The following SEMA4C variants were observed in gnomAD, a reference collection of about 807,000 sequenced individuals.
SEMA4C encodes the protein semaphorin-4C.
A neutral mutation model predicts 89.0 loss-of-function variants in SEMA4C; 19 were observed. The ratio of observed to expected loss-of-function variants is 0.21; its 90% confidence interval spans 0.15 to 0.31. SEMA4C has a LOEUF of 0.31. Ranked by LOEUF, SEMA4C falls within the 10% of genes least tolerant of loss-of-function variation. SEMA4C has a pLI of 1.00. For synonymous variants in SEMA4C, 428 were observed against 472.7 expected (o/e 0.91, Z 1.23); for missense variants, 811 against 1,107.0 (o/e 0.73, Z 3.79).
At chr2:96,869,021 C>A (rs1211440642) in intron 1 of SEMA4C, 42 of 985,164 alleles carry the variant, frequency 4.3e-5, no homozygotes, top group Non-Finnish European at 5.1e-5. Context: ...GTTCTCCCCT[C>A]CCCCAGCTCC....
At chr2:96,868,723 G>A (rs2080139011) in intron 1 of SEMA4C, 5 of 985,252 alleles carry the variant, frequency 5.1e-6, no homozygotes, top group Non-Finnish European at 6.0e-6. Flanking sequence ...CGGGGACTCC[G>A]GCGGCGCGCG....
In SEMA4C at chr2:96,860,282, G is replaced by A. The variant is rs1184498910; in HGVS notation, c.*344C>T. The A allele has an allele frequency of 1.9e-5, 5 of 261,912 alleles. No homozygotes were observed. The highest frequency in any genetic ancestry group is 3.6e-5 in the Non-Finnish European group (5 of 138,824). The allele number at this position is 261,912 out of a possible 1,614,324, so 16.2% of individuals were successfully genotyped here. On this transcript the variant is annotated 3_prime_UTR_variant, in exon 15 of 15. Transcript: ENST00000305476. ...GGAAGGCTATGCCACAAGCGCGCAC[G>A]CGCGTGCACACACACATACACACAC...
At chr2:96,869,117 C>G in intron 1 of SEMA4C, 9 of 985,362 alleles carry the variant, frequency 9.1e-6, no homozygotes, top group Non-Finnish European at 1.1e-5. Context: ...AGAGCCCCGG[C>G]GCGGGAGAGC....
upstream of SEMA4C, chr2:96,870,727 G>C (rs2153366355): frequency 1.0e-6 from 1 of 985,528 alleles, no homozygotes; most frequent in Non-Finnish European, 1.2e-6. Flanking sequence ...CGTGCCACTG[G>C]AAGGCTGATT....
In SEMA4C at chr2:96,865,428, G is replaced by A. The variant is rs1011285846; in HGVS notation, c.517+13C>T. The stretch of plus-strand genomic sequence containing the variant: ...AAGGACTCACCCAGCCTGCATGGGG[G>A]GCAGCCACTCACCCACAAGAAGGCC... On this transcript the variant is annotated intron_variant, in intron 6 of 14. Transcript: ENST00000305476. 5.0e-6 allele frequency: 8 copies of A among 1,612,866 alleles called. No homozygotes were observed. The highest frequency in any genetic ancestry group is 6.8e-6 in the Non-Finnish European group (8 of 1,179,126).
chr2:96,865,543 G>A lies in SEMA4C; in HGVS notation c.421-6C>T. On this transcript the variant is annotated splice_region_variant and splice_polypyrimidine_tract_variant and intron_variant, in intron 5 of 14. Transcript: ENST00000305476. ...AAAGTGAAGGTGAGCATGTTCTAAG[G>A]ACAGAGAGAGAGGTGATGAGGAGAT... is the stretch of plus-strand genomic sequence containing the variant. 1.2e-6 allele frequency: 2 copies of A among 1,613,206 alleles called. No homozygotes were observed. The highest frequency in any genetic ancestry group is 1.7e-6 in the Non-Finnish European group (2 of 1,179,416).
At chr2:96,868,820 GC>G (rs1181488350) in intron 1 of SEMA4C, 19 of 985,236 alleles carry the variant, frequency 1.9e-5, no homozygotes, top group Non-Finnish European at 2.0e-5. Context: ...GGCACCCGCT[GC>G]GCTCCCGCGA....
chr2:96,861,232 C>G lies in SEMA4C; in HGVS notation c.1896G>C (p.Gln632His). The G allele has an allele frequency of 6.2e-7, 1 of 1,610,506 alleles. No homozygotes were observed. The highest frequency in any genetic ancestry group is 8.5e-7 in the Non-Finnish European group (1 of 1,179,722). ...AGCCTTCAGCAGCCAGCCGCGCCCCCTGCTCCTCTGAAAAGCAGTGGTAGG... is the reference window on the plus strand; with the variant it reads ...AGCCTTCAGCAGCCAGCCGCGCCCCGTGCTCCTCTGAAAAGCAGTGGTAGG... ...AGAYHCFSEE[Q>H]GARLAAEGYL... Residue 632 changes from glutamine (Q) to histidine (H), a missense_variant, in exon 15 of 15, where the codon CAG becomes CAC. Gln to His is a conservative substitution (Grantham distance 24). Transcript: ENST00000305476. This position sits in a 1 kb window ranked among gnomAD's most constrained non-coding sequence, Gnocchi z 7.8.
Position 96,863,798 on chromosome 2 carries a change from G to C in SEMA4C, c.1331-4C>G, listed in dbSNP as rs760850592. ...GCCTTGAGCAGCCAGCCGTCTCCTGGGGGGTGCAGAGGAGAAGGTGTAAAT... is the reference window on the plus strand; with the variant it reads ...GCCTTGAGCAGCCAGCCGTCTCCTGCGGGGTGCAGAGGAGAAGGTGTAAAT... On this transcript the variant is annotated splice_region_variant and splice_polypyrimidine_tract_variant and intron_variant, in intron 11 of 14. Coordinates refer to ENST00000305476, the MANE Select transcript of SEMA4C (RefSeq NM_017789.5). 6 of 1,613,132 alleles carry C rather than the reference G, an allele frequency of 3.7e-6. No individual in the cohort carries two copies. Among genetic ancestry groups the C allele is most frequent in the South Asian group, 1.1e-5 (1 of 91,074 alleles).
At position 96,861,343 on chromosome 2, in the gene SEMA4C, C is replaced by T; in HGVS notation, c.1785G>A (p.Leu595=). The T allele has an allele frequency of 6.2e-7, 1 of 1,607,296 alleles. No homozygotes were observed. The highest frequency in any genetic ancestry group is 8.5e-7 in the Non-Finnish European group (1 of 1,179,974). The change falls in exon 15 of 15, where the codon CTG becomes CTA. Residue 595 remains leucine (L), a synonymous_variant. Coordinates refer to ENST00000305476, the MANE Select transcript of SEMA4C (RefSeq NM_017789.5). This position sits in a 1 kb window ranked among gnomAD's most constrained non-coding sequence, Gnocchi z 7.8. The part of the protein sequence containing the change: ...HARWTFGGRD[L]PAEQPGSFLY... ...GGAAGGACCCGGGCTGTTCCGCAGG[C>T]AGGTCCCGGCCCCCAAAGGTCCAGC... is the stretch of plus-strand genomic sequence containing the variant.
chr2:96,864,347 T>G lies in SEMA4C; in HGVS notation c.998A>C (p.Gln333Pro). 1 of 1,613,898 alleles carries G rather than the reference T, an allele frequency of 6.2e-7. No homozygotes were observed. Among genetic ancestry groups the G allele is most frequent in the Non-Finnish European group, 8.5e-7 (1 of 1,179,990 alleles). ...DMYLSAICEY[Q>P]LEEIQRVFEG... ...AAACACCCGCTGGATCTCTTCCAAC[T>G]GGTACTCACAGATGGCCGACAGGTA... Residue 333 changes from glutamine (Q) to proline (P), a missense_variant, in exon 10 of 15, where the codon CAG (glutamine) becomes CCG (proline). Gln to Pro is a moderately conservative substitution (Grantham distance 76, BLOSUM62 -1). Transcript: ENST00000305476. The surrounding 1 kb of genome is among the most constrained non-coding windows in gnomAD (Gnocchi z 6.3).
rs551462063 is a variant in SEMA4C, at chr2:96,861,919, G to C, written c.1444-25C>G. ...TCTGCGAGAAAAGCGGGGCGCAGGA[G>C]GGGGGTCGGCCAGGGCCACACCACG... is the stretch of plus-strand genomic sequence containing the variant. On this transcript the variant is annotated intron_variant, in intron 12 of 14. Transcript: ENST00000305476. This position sits in a 1 kb window ranked among gnomAD's most constrained non-coding sequence, Gnocchi z 7.8. The C allele has an allele frequency of 1.4e-5, 22 of 1,585,382 alleles. No homozygotes were observed. The highest frequency in any genetic ancestry group is 1.3e-4 in the Admixed American group (7 of 55,574).
rs761782115 is a variant in SEMA4C at position 96,864,206 on chromosome 2, G to A, written c.1107+32C>T. ...CAGGGTGGGATGGCACCGCAGCTGGGTGGGGAGATGCATCCCTGCCCTAGC... is the reference window on the plus strand; with the variant it reads ...CAGGGTGGGATGGCACCGCAGCTGGATGGGGAGATGCATCCCTGCCCTAGC... On this transcript the variant is annotated intron_variant, in intron 10 of 14. Transcript: ENST00000305476. The surrounding 1 kb of genome is among the most constrained non-coding windows in gnomAD (Gnocchi z 6.3). 6.2e-6 allele frequency: 10 copies of A among 1,613,452 alleles called. No individual in the cohort carries two copies. In the South Asian group the frequency reaches 6.6e-5, roughly 11 times the overall value.
chr2:96,863,585 G>A, intron 12 of SEMA4C, 97 bp downstream of exon 12: 1 of 1,343,132 alleles, frequency 7.4e-7, no homozygotes, highest in Non-Finnish European at 1.1e-6. Flanking sequence ...ACTCTGCACT[G>A]GCCAAGCACA....
intron 1 of SEMA4C, 104 bp from the exon 2 acceptor site, chr2:96,868,027 G>GC: frequency 7.0e-7 from 1 of 1,430,566 alleles, no homozygotes; most frequent in Admixed American, 2.3e-5. Flanking sequence ...CCTTCCAGGA[G>GC]CCCCGGTGCC....
intron 1 of SEMA4C, chr2:96,868,317 C>A: frequency 1.5e-6 from 1 of 674,454 alleles, no homozygotes; most frequent in Non-Finnish European, 1.9e-6. Flanking sequence ...GCCACTGGGG[C>A]TCCGGACCCT....
intron 1 of SEMA4C, chr2:96,869,102 GGCCCAGA>G (rs1324167025): frequency 2.0e-6 from 2 of 985,250 alleles, no homozygotes; most frequent in Admixed American, 6.2e-5. Flanking sequence ...GCCCCCTGTC[GGCCCAGA>G]GCCCCGGCGC....
At position 96,866,275 on chromosome 2, in the gene SEMA4C, C is replaced by T; in HGVS notation, c.258+8G>A. ...GGCCCGACTGCCTCCCACTGCCCCA[C>T]CTCTCACCGCTCCTTGCAGCTCCAG... is the stretch of plus-strand genomic sequence containing the variant. On this transcript the variant is annotated splice_region_variant and intron_variant, in intron 3 of 14. Coordinates refer to ENST00000305476, the MANE Select transcript of SEMA4C (RefSeq NM_017789.5). 6.2e-7 allele frequency: 1 copy of T among 1,604,182 alleles called. No homozygotes were observed. Among genetic ancestry groups the T allele is most frequent in the South Asian group, 1.1e-5 (1 of 90,500 alleles).
chr2:96,868,782 G>A, intron 1 of SEMA4C: 1 of 985,130 alleles, frequency 1.0e-6, no homozygotes, highest in Non-Finnish European at 1.2e-6. Flanking sequence ...GTTCCTCCCG[G>A]GCCGCTGGCA....
Sources: allele counts gnomAD v4.1 joint callset, GRCh38; gene constraint gnomAD v4.1.1; non-coding constraint Gnocchi (gnomAD v3.1); transcripts MANE v1.5; gene names NCBI Gene and HGNC (gene_info 2026-07-23, HGNC 2026-07-21).